The following SEC14L6 variants were observed in gnomAD, a reference collection of about 807,000 sequenced individuals.
SEC14L6 encodes SEC14 like lipid binding 6.
A neutral mutation model predicts 54.1 loss-of-function variants in SEC14L6; 40 were observed. That is an observed-to-expected ratio of 0.74 (90% CI 0.57 to 0.96). The LOEUF (loss-of-function observed/expected upper bound fraction) is 0.96. SEC14L6 is among the 40% of genes least tolerant of loss of function. The pLI is 0.00. For synonymous variants in SEC14L6, 171 were observed against 198.4 expected (o/e 0.86, Z 1.16); for missense variants, 471 against 498.3 (o/e 0.95, Z 0.52).
chr22:30,525,938 T>C lies in SEC14L6; in HGVS notation c.665-6A>G. Reference sequence around the variant, plus strand: ...CAGCTCCTGCTTCCAGTTGTCTGCATGGGAGCAAGAGAGGGACTCCAAAGG... The same window carrying C: ...CAGCTCCTGCTTCCAGTTGTCTGCACGGGAGCAAGAGAGGGACTCCAAAGG... On this transcript the variant is annotated splice_region_variant and splice_polypyrimidine_tract_variant and intron_variant, in intron 8 of 11. Transcript: ENST00000402034. 1.3e-6 allele frequency: 2 copies of C among 1,594,042 alleles called. No individual in the cohort carries two copies. Among genetic ancestry groups the C allele is most frequent in the Non-Finnish European group, 1.7e-6 (2 of 1,168,970 alleles).
chr22:30,542,539 C>A lies in SEC14L6; in HGVS notation c.55-3637G>T, dbSNP rs2085739730. ...GCAGCCCCGGCGGCGCTTCTAGTGC[C>A]TTCCAGCCCTCGCGGGCGGCGTAGC... is the stretch of plus-strand genomic sequence containing the variant. On this transcript the variant is annotated intron_variant, in intron 1 of 11. Coordinates refer to ENST00000402034, the MANE Select transcript of SEC14L6 (RefSeq NM_001193336.4). 19 of 1,213,744 alleles carry A rather than the reference C, an allele frequency of 1.6e-5. No individual in the cohort carries two copies. In the South Asian group the frequency reaches 3.2e-4, roughly 20 times the overall value. 75.2% of individuals were successfully genotyped at this position (1,213,744 alleles called of 1,614,324 possible). A position where few individuals can be genotyped will look rare whatever the true frequency, so the allele number is the denominator to read the frequency against.
intron 9 of SEC14L6, 32 bp downstream of exon 9, chr22:30,525,794 C>G (rs1174874294): frequency 5.6e-6 from 9 of 1,613,452 alleles, no homozygotes; most frequent in African/African-American, 1.3e-5. Flanking sequence ...ACAGCTTCTC[C>G]CCTCCTTCCC....
chr22:30,536,336 G>A (rs555875406), intron 2 of SEC14L6, among the ~76,000 whole-genome samples: 4 of 152,106 alleles, frequency 2.6e-5, no homozygotes, highest in African/African-American at 9.6e-5. Context: ...TTTCATAGTG[G>A]TTTTCTTACT....
At chr22:30,541,392 C>T (rs116259794) in intron 1 of SEC14L6, among the ~76,000 whole-genome samples, 4,813 of 152,288 alleles carry the variant, frequency 0.032, 103 homozygotes, top group Middle Eastern at 0.078. Flanking sequence ...ATAGGAGTGG[C>T]TCACGCCTGT....
chr22:30,546,370 C>T (rs1245135048), intron 1 of SEC14L6, among the ~76,000 whole-genome samples: 2 of 120,188 alleles, frequency 1.7e-5, no homozygotes, highest in African/African-American at 3.3e-5. Context: ...GCAACAAGAG[C>T]GAAACTCCGT....
Position 30,531,902 on chromosome 22 carries a change from C to A in SEC14L6, c.519+1G>T. On this transcript the variant is annotated splice_donor_variant, in intron 6 of 11. Coordinates refer to ENST00000402034, the MANE Select transcript of SEC14L6 (RefSeq NM_001193336.4). LOFTEE classifies it high-confidence loss of function. The stretch of plus-strand genomic sequence containing the variant: ...CCATGCCCCTGGCGGGGTCACCTCA[C>A]CTCCTGGAGAAGCTCTATTCCTGGC... The A allele has an allele frequency of 6.5e-7, 1 of 1,549,956 alleles. No homozygotes were observed. Among genetic ancestry groups the A allele is most frequent in the Non-Finnish European group, 8.7e-7 (1 of 1,146,366 alleles).
rs1233502792 is a variant in SEC14L6, at chr22:30,523,058, G to A, written c.*1939C>T. The A allele has an allele frequency of 6.6e-6, 1 of 152,242 alleles. No individual in the cohort carries two copies. Among genetic ancestry groups the A allele is most frequent in the Admixed American group, 6.5e-5 (1 of 15,280 alleles). 9.4% of individuals were successfully genotyped at this position (152,242 alleles called of 1,614,324 possible). A position where few individuals can be genotyped will look rare whatever the true frequency, so the allele number is the denominator to read the frequency against. On this transcript the variant is annotated 3_prime_UTR_variant, in exon 12 of 12. Coordinates refer to ENST00000402034, the MANE Select transcript of SEC14L6 (RefSeq NM_001193336.4). ...CACTCTGGAAAAAATCAAAAGTGTA[G>A]GGATGAAGAACAGATCAGTGGCTGT...
chr22:30,525,033 T>G lies in SEC14L6; in HGVS notation c.1158A>C (p.Pro386=), dbSNP rs1228774646. ...RISYTVEVLL[P]DQTFMEKMEK... ...CCATCTTCTCCATGAAGGTTTGGTC[T>G]GGGAGCAGTACCTCCACGGTGTAGC... is the stretch of plus-strand genomic sequence containing the variant. Residue 386 remains proline (P), a synonymous_variant, in exon 12 of 12, where the codon CCA becomes CCC. Transcript: ENST00000402034. 6.5e-7 allele frequency: 1 copy of G among 1,548,928 alleles called. No individual in the cohort carries two copies. Among genetic ancestry groups the G allele is most frequent in the East Asian group, 2.4e-5 (1 of 40,914 alleles).
chr22:30,533,317 C>T, intron 3 of SEC14L6: 1 of 213,572 alleles, frequency 4.7e-6, no homozygotes, highest in Non-Finnish European at 8.1e-6. Flanking sequence ...TATACCAGCT[C>T]AGGCCAGGCA....
chr22:30,534,663 AC>A (rs1194091630), intron 2 of SEC14L6, among the ~76,000 whole-genome samples: 4 of 151,652 alleles, frequency 2.6e-5, no homozygotes, highest in Non-Finnish European at 5.9e-5. Context: ...CGCCTGCCTC[AC>A]CCCCCAGAAT....
At position 30,533,082 on chromosome 22, in the gene SEC14L6, G is replaced by A. The variant is rs1479972904; in HGVS notation, c.175-226C>T. On this transcript the variant is annotated intron_variant, in intron 3 of 11. Transcript: ENST00000402034. ...ACCTAGAAAGGGACAGGGGAGGCCTGCACTCTGCAGCTGTCTCCCCCTGCA... is the reference window on the plus strand; with the variant it reads ...ACCTAGAAAGGGACAGGGGAGGCCTACACTCTGCAGCTGTCTCCCCCTGCA... 3 of 985,162 alleles carry A rather than the reference G, an allele frequency of 3.0e-6. No homozygotes were observed. The African/African-American group carries it at 5.2e-5, about 17-fold the overall frequency. 61.0% of individuals were successfully genotyped at this position (985,162 alleles called of 1,614,324 possible). A position where few individuals can be genotyped will look rare whatever the true frequency, so the allele number is the denominator to read the frequency against.
At chr22:30,525,800 T>C (rs1411530312) in intron 9 of SEC14L6, 26 bp downstream of exon 9, 1 of 1,613,468 alleles carries the variant, frequency 6.2e-7, no homozygotes, top group African/African-American at 1.3e-5. Flanking sequence ...TCTCCCCTCC[T>C]TCCCCATCCT....
intron 8 of SEC14L6, among the ~76,000 whole-genome samples, chr22:30,528,411 G>A (rs1005558896): frequency 3.0e-5 from 4 of 131,852 alleles, no homozygotes; most frequent in Non-Finnish European, 6.3e-5. Context: ...GTGAACCACC[G>A]CGCTCGGCCT....
At chr22:30,529,025 GAGA>G in intron 8 of SEC14L6, 59 bp downstream of exon 8, 1 of 1,378,080 alleles carries the variant, frequency 7.3e-7, no homozygotes. Flanking sequence ...TCAGATCTGT[GAGA>G]AGGACCACCC....
At chr22:30,530,137 T>C (rs1445869047) in intron 6 of SEC14L6, among the ~76,000 whole-genome samples, 2 of 151,984 alleles carry the variant, frequency 1.3e-5, no homozygotes, top group Non-Finnish European at 2.9e-5. Context: ...TGTCCGGGCG[T>C]GGTGGCTCAC....
At chr22:30,542,551 G>T in intron 1 of SEC14L6, 1 of 1,302,746 alleles carries the variant, frequency 7.7e-7, no homozygotes, top group Non-Finnish European at 1.0e-6. Context: ...TCCAGCCCTC[G>T]CGGGCGGCGT....
chr22:30,542,621 T>C (rs1191267427), intron 1 of SEC14L6: 13 of 1,536,048 alleles, frequency 8.5e-6, no homozygotes, highest in Middle Eastern at 2.0e-4. Flanking sequence ...CTGCTCTGCC[T>C]GCTGCTCCCC....
chr22:30,536,475 G>C (rs143837163), intron 2 of SEC14L6, among the ~76,000 whole-genome samples: 12 of 152,174 alleles, frequency 7.9e-5, no homozygotes, highest in Non-Finnish European at 1.8e-4. Context: ...TCAGATTCCT[G>C]GGATTCTGAC....
At chr22:30,545,521 A>G (rs984702760) in intron 1 of SEC14L6, among the ~76,000 whole-genome samples, 1 of 151,872 alleles carries the variant, frequency 6.6e-6, no homozygotes, top group African/African-American at 2.4e-5. Context: ...CAGCCTCCCG[A>G]GTAGCTGGGA....
Sources: gnomAD v4.1 joint callset for allele counts (sites outside exome capture counted in the v4.1 genomes callset) on GRCh38, gnomAD v4.1.1 for gene constraint, MANE v1.5 for transcripts, NCBI Gene and HGNC (gene_info 2026-07-23, HGNC 2026-07-21) for gene names.